Variants in CCDC17 observed in about 807,000 individuals in gnomAD.
CCDC17 encodes the protein coiled-coil domain-containing protein 17.
CCDC17 carries 79 observed loss-of-function variants against 68.0 expected under a neutral mutation model. The observed-to-expected ratio is 1.16, with a 90% CI of 0.97 to 1.40. CCDC17 has a LOEUF of 1.40. Among genes scored for constraint, CCDC17 ranks in the 40% most tolerant of loss-of-function variants. The probability of loss-of-function intolerance (pLI) is 0.00; values close to 1 mark genes in which losing one functional copy is unlikely to be tolerated. For synonymous variants in CCDC17, 376 were observed against 337.5 expected, an observed-to-expected ratio of 1.11 and a Z score of -1.25; for missense variants, 846 against 811.5, an observed-to-expected ratio of 1.04 and a Z score of -0.52.
Position 45,623,797 on chromosome 1 carries a change from G to T in CCDC17, c.113C>A (p.Pro38Gln). 1 of 1,551,594 alleles carries T rather than the reference G, an allele frequency of 6.4e-7. No individual in the cohort carries two copies. The highest frequency in any genetic ancestry group is 8.7e-7 in the Non-Finnish European group (1 of 1,146,924). Residue 38 changes from proline (P) to glutamine (Q), a missense_variant, in exon 1 of 13, where the codon CCG becomes CAG. By Grantham distance (76) the Pro-to-Gln change is moderately conservative. Transcript: ENST00000528266. ...THTQRFCIGH[P>Q]TQEMTFGAQA... The stretch of plus-strand genomic sequence containing the variant: ...TGCTCCAAATGTCATCTCTTGGGTC[G>T]GGTGGCCAATGCAGAAGCGCTGAGT...
chr1:45,623,648 A>G lies in CCDC17; in HGVS notation c.179T>C (p.Val60Ala), dbSNP rs1356208996. Reference sequence around the variant, plus strand: ...TGGCACGCCCTGGTGTTCTTGTGGCACAACCTGGGGATAGGGTGTAGTAGG... The same window carrying G: ...TGGCACGCCCTGGTGTTCTTGTGGCGCAACCTGGGGATAGGGTGTAGTAGG... Reference protein sequence around the residue: ...VATEPQRAAVVPQEHQGVPQE... With the variant: ...VATEPQRAAVAPQEHQGVPQE... The change falls in exon 2 of 13, where the codon GTG becomes GCG. Residue 60 changes from valine to alanine, a missense_variant. Transcript: ENST00000528266. 3 of 1,551,596 alleles carry G rather than the reference A, an allele frequency of 1.9e-6. No homozygotes were observed. In the South Asian group the frequency reaches 3.6e-5, roughly 18 times the overall value.
intron 7 of CCDC17, 118 bp from the exon 8 acceptor site, chr1:45,622,113 A>G: frequency 7.9e-7 from 1 of 1,269,326 alleles, no homozygotes; most frequent in Non-Finnish European, 1.1e-6. Context: ...GGATACAGGG[A>G]TACACACGTG....
At chr1:45,622,054 T>A in intron 7 of CCDC17, 59 bp from the exon 8 acceptor site, 2 of 1,498,474 alleles carry the variant, frequency 1.3e-6, no homozygotes, top group Non-Finnish European at 1.8e-6. Context: ...TTAGCTGAGA[T>A]ACCCCTCCCC....
Position 45,622,568 on chromosome 1 carries a change from C to T in CCDC17, c.840G>A (p.Gln280=), listed in dbSNP as rs770437947. Reference sequence around the variant, plus strand: ...GTTCACCTCTGCGGGTCTGCGACCGCTGCAGCTCCAGTGCAGACGCCTCCA... The same window carrying T: ...GTTCACCTCTGCGGGTCTGCGACCGTTGCAGCTCCAGTGCAGACGCCTCCA... ...LQVEASALEL[Q]RSQTRRGRAG... is the part of the protein sequence containing the mutation. The change falls in exon 6 of 13, where the codon CAG becomes CAA. Residue 280 remains glutamine, a synonymous_variant. Coordinates refer to ENST00000528266, the MANE Select transcript of CCDC17 (RefSeq NM_001114938.3). 6.4e-7 allele frequency: 1 copy of T among 1,552,428 alleles called. No individual in the cohort carries two copies. Among genetic ancestry groups the T allele is most frequent in the South Asian group, 1.2e-5 (1 of 84,132 alleles).
rs867397876 is a variant in CCDC17, at chr1:45,620,372, G to A, written c.1772C>T (p.Pro591Leu). ...GAGGGGCTCTTCTGTACGAGGTGGG[G>A]GATCAGCAAAGCCAACTGCGGGGGT... The part of the protein sequence containing the change: ...FLTPAVGFAD[P>L]PPRTEEPLSG... The change falls in exon 13 of 13, where the codon CCC becomes CTC. Residue 591 changes from proline (P) to leucine (L), a missense_variant. Pro to Leu is a moderately conservative substitution (Grantham distance 98). Transcript: ENST00000528266. 1.2e-6 allele frequency: 2 copies of A among 1,605,592 alleles called. No individual in the cohort carries two copies. The highest frequency in any genetic ancestry group is 1.3e-5 in the African/African-American group (1 of 74,540).
chr1:45,622,732 C>T lies in CCDC17; in HGVS notation c.740+19G>A, dbSNP rs368839811. The T allele has an allele frequency of 1.3e-6, 2 of 1,572,338 alleles. No homozygotes were observed. Among genetic ancestry groups the T allele is most frequent in the Admixed American group, 1.9e-5 (1 of 53,824 alleles). Reference sequence around the variant, plus strand: ...GCTCAGCGCTTCGCCCTATGCCCATCTCCGGCCCCGGCTCTCACCGGATTT... The same window carrying T: ...GCTCAGCGCTTCGCCCTATGCCCATTTCCGGCCCCGGCTCTCACCGGATTT... On this transcript the variant is annotated intron_variant, in intron 5 of 12. Transcript: ENST00000528266.
At chr1:45,622,926 T>G in intron 4 of CCDC17, 29 bp downstream of exon 4, 2 of 1,583,146 alleles carry the variant, frequency 1.3e-6, no homozygotes, top group Non-Finnish European at 1.7e-6. Flanking sequence ...GAGCCGCATG[T>G]TCCGGGGATC....
In CCDC17 at chr1:45,620,226, G is replaced by GC; in HGVS notation, c.*48dup. 6.4e-7 allele frequency: 1 copy of GC among 1,553,262 alleles called. No homozygotes were observed. The highest frequency in any genetic ancestry group is 8.7e-7 in the Non-Finnish European group (1 of 1,154,226). On this transcript the variant is annotated 3_prime_UTR_variant, in exon 13 of 13. Coordinates refer to ENST00000528266, the MANE Select transcript of CCDC17 (RefSeq NM_001114938.3). ...AGTAAACCTGTAGGTCTGGAAATAG[G>GC]CCCCAGTCCTGTGCATGTTCAGATG... is the stretch of plus-strand genomic sequence containing the variant.
At chr1:45,622,175 T>C in intron 7 of CCDC17, 66 bp downstream of exon 7, 1 of 1,464,608 alleles carries the variant, frequency 6.8e-7, no homozygotes, top group Middle Eastern at 1.7e-4. Context: ...CCATGCACTG[T>C]CTGCCTGAGC....
rs535834552 is a variant in CCDC17 at position 45,621,849 on chromosome 1, C to T, written c.1086+28G>A. ...TCCCCCAACCCACCCCGTGTCCTCA[C>T]AGCCTTTGCCCCACCCAAGAACTGA... On this transcript the variant is annotated intron_variant, in intron 8 of 12. Coordinates refer to ENST00000528266, the MANE Select transcript of CCDC17 (RefSeq NM_001114938.3). The T allele has an allele frequency of 3.4e-5, 55 of 1,594,806 alleles. No homozygotes were observed. The East Asian group carries it at 8.3e-4, about 24-fold the overall frequency.
intron 12 of CCDC17, 141 bp from the exon 13 acceptor site, chr1:45,620,574 C>T: frequency 6.7e-7 from 1 of 1,481,776 alleles, no homozygotes; most frequent in African/African-American, 1.4e-5. Context: ...TTATCTGTTA[C>T]ATAGTAGGAC....
rs370065231 is a variant in CCDC17, at chr1:45,623,130, G to A, written c.494-13C>T. The stretch of plus-strand genomic sequence containing the variant: ...CGTCGGCTCAGTTCTGAGGGAATGC[G>A]GGCCGAGTCAGAACCGGCCCGAGCA... On this transcript the variant is annotated splice_polypyrimidine_tract_variant and intron_variant, in intron 3 of 12. Coordinates refer to ENST00000528266, the MANE Select transcript of CCDC17 (RefSeq NM_001114938.3). The A allele has an allele frequency of 6.5e-7, 1 of 1,545,598 alleles. No homozygotes were observed. Among genetic ancestry groups the A allele is most frequent in the East Asian group, 2.4e-5 (1 of 41,310 alleles).
chr1:45,620,475 G>A (rs1321274184), intron 12 of CCDC17, 42 bp from the exon 13 acceptor site: 1 of 1,500,958 alleles, frequency 6.7e-7, no homozygotes, highest in African/African-American at 1.4e-5. Flanking sequence ...AAAATGTAAA[G>A]GTTAAGCACA....
rs554170551 is a variant in CCDC17, at chr1:45,620,277, A to G, written c.1867T>C (p.Ter623ArgextTer10). Residue 623 changes from the stop codon to arginine (R), a stop_lost, in exon 13 of 13, where the codon TGA becomes CGA. Transcript: ENST00000528266. ...HSSDLPPVSF[*>R] ...CTCATCTCCACATTCACTTGGGTTCAGAAACTCACTGGGGGCAAGTCAGAA... is the reference window on the plus strand; with the variant it reads ...CTCATCTCCACATTCACTTGGGTTCGGAAACTCACTGGGGGCAAGTCAGAA... The G allele has an allele frequency of 1.2e-6, 2 of 1,609,248 alleles. No homozygotes were observed. The highest frequency in any genetic ancestry group is 1.7e-5 in the Admixed American group (1 of 58,498).
In CCDC17 at chr1:45,621,029, C is replaced by T; in HGVS notation, c.1473G>A (p.Lys491=). Residue 491 remains lysine, a synonymous_variant, in exon 11 of 13, where the codon AAG becomes AAA. Transcript: ENST00000528266. ...GLAWARAPQP[K]AWVSLGLFDQ... ...CAAATAGTCCAAGTGAGACCCAAGC[C>T]TTTGGCTGTGGTGCCCTAGCCCATG... 6.2e-6 allele frequency: 10 copies of T among 1,613,998 alleles called. No individual in the cohort carries two copies. The highest frequency in any genetic ancestry group is 8.5e-6 in the Non-Finnish European group (10 of 1,179,892).
chr1:45,623,189 C>A (rs1439163656), intron 3 of CCDC17, 28 bp downstream of exon 3: 1 of 1,541,110 alleles, frequency 6.5e-7, no homozygotes, highest in Non-Finnish European at 8.8e-7. Flanking sequence ...AGAGGAGGTC[C>A]TTGGTCCCCG....
rs1474736665 is a variant in CCDC17 at position 45,622,963 on chromosome 1, C to T, written c.648G>A (p.Ala216=). Reference sequence around the variant, plus strand: ...GCTTAGTCGGGTCTCACCCTGGCTCCGCCTGCAGCTCCTGAATGCGGGCCC... The same window carrying T: ...GCTTAGTCGGGTCTCACCCTGGCTCTGCCTGCAGCTCCTGAATGCGGGCCC... ...VLGARIQELQ[A]EPGNPLSSRR... is the part of the protein sequence containing the mutation. The change falls in exon 4 of 13, where the codon GCG becomes GCA. Residue 216 remains alanine (A), a synonymous_variant. Transcript: ENST00000528266. The T allele has an allele frequency of 1.3e-6, 2 of 1,599,168 alleles. 1 individual carries two copies. The highest frequency in any genetic ancestry group is 2.2e-5 in the South Asian group (2 of 89,172).
rs1229244969 is a variant in CCDC17, at chr1:45,621,335, G to A, written c.1334C>T (p.Ala445Val). The A allele has an allele frequency of 6.3e-7, 1 of 1,589,862 alleles. No individual in the cohort carries two copies. Among genetic ancestry groups the A allele is most frequent in the Admixed American group, 1.8e-5 (1 of 56,004 alleles). Residue 445 changes from alanine to valine, a missense_variant, in exon 10 of 13, where the codon GCT becomes GTT. By Grantham distance (64) the Ala-to-Val change is moderately conservative (BLOSUM62 0). Coordinates refer to ENST00000528266, the MANE Select transcript of CCDC17 (RefSeq NM_001114938.3). ...PPALCLPPPP[A>V]PGPMGNCAIL... is the part of the protein sequence containing the mutation. ...GGCACAGTTGCCCATGGGCCCGGGAGCAGGAGGTGGGGGCAGGCAAAGGGC... is the reference window on the plus strand; with the variant it reads ...GGCACAGTTGCCCATGGGCCCGGGAACAGGAGGTGGGGGCAGGCAAAGGGC...
intron 2 of CCDC17, 42 bp downstream of exon 2, chr1:45,623,515 C>T (rs1196916305): frequency 6.5e-7 from 1 of 1,548,514 alleles, no homozygotes; most frequent in South Asian, 1.2e-5. Flanking sequence ...TTGGGGAAGA[C>T]GCTCAACGTT....
Sources: gnomAD v4.1 joint callset for allele counts on GRCh38, gnomAD v4.1.1 for gene constraint, MANE v1.5 for transcripts, NCBI Gene and HGNC (gene_info 2026-07-23, HGNC 2026-07-21) for gene names.